Variants in SHC4 observed in about 807,000 individuals in gnomAD.
SHC4 encodes the protein SHC-transforming protein 4.
A neutral mutation model predicts 69.4 loss-of-function variants in SHC4; 41 were observed. That is an observed-to-expected ratio of 0.59 (90% CI 0.46 to 0.77). The LOEUF (loss-of-function observed/expected upper bound fraction) is 0.77. Among genes scored for constraint, SHC4 ranks in the 30% least tolerant of loss-of-function variants. SHC4 has a pLI of 0.00. For synonymous variants in SHC4, 318 were observed against 299.3 expected, an observed-to-expected ratio of 1.06 and a Z score of -0.64; for missense variants, 777 against 783.8, an observed-to-expected ratio of 0.99 and a Z score of 0.10.
Position 48,857,802 on chromosome 15 carries a change from C to T in SHC4, c.960G>A (p.Leu320=). 1 of 1,544,380 alleles carries T rather than the reference C, an allele frequency of 6.5e-7. No homozygotes were observed. The highest frequency in any genetic ancestry group is 1.3e-5 in the South Asian group (1 of 75,402). The change falls in exon 7 of 12, where the codon TTG becomes TTA. Residue 320 remains leucine, a synonymous_variant. Transcript: ENST00000332408. ...CTTGGGCCATTCCATTGTGGCATTC[C>T]AATATGTGACAGGCTGCAAGAGGAC... ...DPVNQRACHI[L]ECHNGMAQDV... is the part of the protein sequence containing the mutation.
intron 5 of SHC4, among the ~76,000 whole-genome samples, chr15:48,869,367 G>A (rs1899623279): frequency 6.6e-6 from 1 of 152,178 alleles, no homozygotes. Flanking sequence ...AGGAAATCTT[G>A]TAGAAAGATT....
chr15:48,932,745 G>T (rs866124621), intron 1 of SHC4, among the ~76,000 whole-genome samples: 2 of 152,152 alleles, frequency 1.3e-5, no homozygotes, highest in African/African-American at 2.4e-5. Flanking sequence ...TCTATACTCT[G>T]TATGAACTTC....
chr15:48,962,882 C>G lies in SHC4; in HGVS notation c.134G>C (p.Ser45Thr). 6.2e-7 allele frequency: 1 copy of G among 1,613,424 alleles called. No individual in the cohort carries two copies. Among genetic ancestry groups the G allele is most frequent in the Non-Finnish European group, 8.5e-7 (1 of 1,180,038 alleles). Residue 45 changes from serine (S) to threonine (T), a missense_variant, in exon 1 of 12, where the codon AGC becomes ACC. Coordinates refer to ENST00000332408, the MANE Select transcript of SHC4 (RefSeq NM_203349.4). ...CTTGTTCCCGACCGAGCCTCCGGAG[C>G]TACCTTCGTCCAAGGACGTGATCGA... ...NESITSLDEG[S>T]SGGSVGNKGS... is the part of the protein sequence containing the mutation.
intron 1 of SHC4, among the ~76,000 whole-genome samples, chr15:48,934,397 AC>A (rs1348084893): frequency 9.2e-5 from 14 of 152,174 alleles, no homozygotes; most frequent in African/African-American, 3.4e-4. Context: ...ACAACTTCAC[AC>A]CCTCTGGAAT....
chr15:48,927,693 TC>T (rs1176795816), intron 1 of SHC4, among the ~76,000 whole-genome samples: 2 of 152,030 alleles, frequency 1.3e-5, no homozygotes, highest in Non-Finnish European at 2.9e-5. Flanking sequence ...TCCTTTCTAC[TC>T]CTCAAATACA....
At chr15:48,887,684 AAAAT>A (rs1900060169) in intron 3 of SHC4, among the ~76,000 whole-genome samples, 1 of 152,180 alleles carries the variant, frequency 6.6e-6, no homozygotes, top group East Asian at 1.9e-4. Context: ...AGAAAATAGA[AAAAT>A]AGATAAAATT....
chr15:48,899,575 T>C (rs572289080), intron 2 of SHC4, among the ~76,000 whole-genome samples: 1 of 152,110 alleles, frequency 6.6e-6, no homozygotes, highest in Non-Finnish European at 1.5e-5. Flanking sequence ...ATATTACTTC[T>C]ACCACTGTTT....
intron 2 of SHC4, among the ~76,000 whole-genome samples, chr15:48,908,081 T>C (rs544354945): frequency 6.6e-6 from 1 of 152,318 alleles, no homozygotes; most frequent in African/African-American, 2.4e-5. Flanking sequence ...GTGGGATTGC[T>C]GGATCAAATG....
chr15:48,918,479 T>C (rs1900673587), intron 2 of SHC4, among the ~76,000 whole-genome samples: 2 of 152,254 alleles, frequency 1.3e-5, no homozygotes, highest in Non-Finnish European at 2.9e-5. Flanking sequence ...AACTGCAATG[T>C]ATTTTTGATG....
intron 10 of SHC4, among the ~76,000 whole-genome samples, chr15:48,840,837 C>T (rs1159802778): frequency 2.6e-5 from 4 of 151,962 alleles, no homozygotes; most frequent in Non-Finnish European, 5.9e-5. Context: ...TACATTAAAT[C>T]CTAATAGGAA....
chr15:48,941,488 G>C (rs920763394), intron 1 of SHC4, among the ~76,000 whole-genome samples: 7 of 152,142 alleles, frequency 4.6e-5, no homozygotes, highest in African/African-American at 1.7e-4. Context: ...GCTTAGGGGA[G>C]GGTGTTATTT....
chr15:48,839,891 C>G (rs1456120867), intron 10 of SHC4, among the ~76,000 whole-genome samples: 1 of 152,206 alleles, frequency 6.6e-6, no homozygotes, highest in African/African-American at 2.4e-5. Context: ...CATTACATTA[C>G]AGAACTCCTA....
intron 11 of SHC4, among the ~76,000 whole-genome samples, chr15:48,834,457 G>T (rs755535648): frequency 6.6e-6 from 1 of 152,080 alleles, no homozygotes; most frequent in African/African-American, 2.4e-5. Flanking sequence ...TGAGAGCAAG[G>T]ACTATGTATG....
chr15:48,828,115 G>GTGTATATA (rs1208135088), intron 11 of SHC4, among the ~76,000 whole-genome samples: 1 of 75,180 alleles, frequency 1.3e-5, no homozygotes, highest in African/African-American at 3.3e-5. Context: ...GTGTGTGTGT[G>GTGTATATA]TATATATATA....
chr15:48,861,974 C>A (rs184810430), intron 6 of SHC4, among the ~76,000 whole-genome samples: 5 of 151,876 alleles, frequency 3.3e-5, no homozygotes, highest in African/African-American at 1.2e-4. Flanking sequence ...CTTAGAAAAC[C>A]AGAAATTCAA....
chr15:48,861,733 C>CT (rs1393207011), intron 6 of SHC4, among the ~76,000 whole-genome samples: 9 of 152,132 alleles, frequency 5.9e-5, no homozygotes, highest in African/African-American at 2.2e-4. Flanking sequence ...TTCATCCCAC[C>CT]TGTAGCAGGA....
intron 4 of SHC4, among the ~76,000 whole-genome samples, chr15:48,883,632 C>A (rs1355396632): frequency 6.6e-6 from 1 of 152,174 alleles, no homozygotes; most frequent in Non-Finnish European, 1.5e-5. Flanking sequence ...ACATTTAGCC[C>A]AATGCCTACG....
At chr15:48,839,982 A>G (rs1309475242) in intron 10 of SHC4, among the ~76,000 whole-genome samples, 2 of 152,232 alleles carry the variant, frequency 1.3e-5, no homozygotes, top group Non-Finnish European at 2.9e-5. Flanking sequence ...TGGTCTGCCA[A>G]TCGCAGGTGA....
In SHC4 at chr15:48,856,071, T is replaced by C. The variant is rs1899307213; in HGVS notation, c.1124A>G (p.Tyr375Cys). Residue 375 changes from tyrosine to cysteine, a missense_variant, in exon 8 of 12, where the codon TAC becomes TGC. By Grantham distance (194) the Tyr-to-Cys change is radical. Transcript: ENST00000332408. ...HAEEREDHEYYNEIPGKQPPV... is the reference protein window; with the variant it reads ...HAEEREDHEYCNEIPGKQPPV... ...TGGCTGCTTCCCTGGAATTTCATTGTAATATTCATGATCTTCTCTCTCCTC... is the reference window on the plus strand; with the variant it reads ...TGGCTGCTTCCCTGGAATTTCATTGCAATATTCATGATCTTCTCTCTCCTC... The C allele has an allele frequency of 6.2e-6, 10 of 1,613,836 alleles. No individual in the cohort carries two copies. Among genetic ancestry groups the C allele is most frequent in the Non-Finnish European group, 8.5e-6 (10 of 1,179,876 alleles).
Sources: gnomAD v4.1 joint callset for allele counts (sites outside exome capture counted in the v4.1 genomes callset) on GRCh38, gnomAD v4.1.1 for gene constraint, MANE v1.5 for transcripts, NCBI Gene and HGNC (gene_info 2026-07-23, HGNC 2026-07-21) for gene names.